The following RB1CC1 variants were observed in gnomAD, a reference collection of about 807,000 sequenced individuals.
RB1CC1 encodes RB1 inducible coiled-coil 1.
In RB1CC1, 46 loss-of-function variants were observed where a neutral mutation model predicts 177.5. The ratio of observed to expected loss-of-function variants is 0.26; its 90% CI spans 0.20 to 0.33. RB1CC1 has a LOEUF of 0.33. Ranked by LOEUF, RB1CC1 falls within the 10% of genes least tolerant of loss-of-function variation. The pLI, the probability that RB1CC1 is intolerant of heterozygous loss-of-function variation, is 1.00. For missense variants in RB1CC1, 1,703 were observed against 1,816.3 expected, an observed-to-expected ratio of 0.94 and a Z score of 1.13; for synonymous variants, 666 against 613.6, an observed-to-expected ratio of 1.09 and a Z score of -1.26.
chr8:52,700,361 A>G (rs1339770346), intron 1 of RB1CC1, among the ~76,000 whole-genome samples: 1 of 151,186 alleles, frequency 6.6e-6, no homozygotes. Flanking sequence ...CCATATCTAC[A>G]AATATACAAA....
At chr8:52,644,210 C>A (rs1849809301) in intron 16 of RB1CC1, among the ~76,000 whole-genome samples, 1 of 152,028 alleles carries the variant, frequency 6.6e-6, no homozygotes, top group Non-Finnish European at 1.5e-5. Flanking sequence ...TCAGAAATCA[C>A]CTATACAGAG....
intron 21 of RB1CC1, among the ~76,000 whole-genome samples, chr8:52,629,721 C>T (rs376747675): frequency 6.6e-6 from 1 of 152,202 alleles, no homozygotes; most frequent in Non-Finnish European, 1.5e-5. Flanking sequence ...CTTTGGTCTC[C>T]ACAACCTCTT....
chr8:52,668,529 CT>C, intron 7 of RB1CC1, among the ~76,000 whole-genome samples: 1 of 152,334 alleles, frequency 6.6e-6, no homozygotes, highest in Admixed American at 6.5e-5. Flanking sequence ...AATGCAACTT[CT>C]CTTTAAAACA....
intron 3 of RB1CC1, 87 bp downstream of exon 3, chr8:52,685,312 C>A (rs1854174139): frequency 9.6e-7 from 1 of 1,040,842 alleles, no homozygotes; most frequent in Non-Finnish European, 1.4e-6. Flanking sequence ...CCGCCATTAT[C>A]CTACTTTTTA....
intron 5 of RB1CC1, among the ~76,000 whole-genome samples, chr8:52,681,661 T>C (rs1273624001): frequency 6.6e-6 from 1 of 152,204 alleles, no homozygotes; most frequent in Admixed American, 6.5e-5. Flanking sequence ...CCAGGTATGC[T>C]GATTCACGCC....
In RB1CC1 at chr8:52,624,792, T is replaced by A. The variant is rs34169001; in HGVS notation, c.4637-5A>T. The A allele has an allele frequency of 1.1e-5, 17 of 1,503,386 alleles. No homozygotes were observed. Among genetic ancestry groups the A allele is most frequent in the Non-Finnish European group, 1.4e-5 (16 of 1,112,086 alleles). The allele number at this position is 1,503,386 out of a possible 1,614,324, so 93.1% of individuals were successfully genotyped here. A position where few individuals can be genotyped will look rare whatever the true frequency, so the allele number is the denominator to read the frequency against. ...GTCTTCTAGATGCACCTGAAGCTAA[T>A]GAAATTAAATAGTTAATCTCTTTTT... On this transcript the variant is annotated splice_polypyrimidine_tract_variant and splice_region_variant and intron_variant, in intron 22 of 23. Coordinates refer to ENST00000025008, the MANE Select transcript of RB1CC1 (RefSeq NM_014781.5).
intron 13 of RB1CC1, 58 bp downstream of exon 13, chr8:52,658,815 C>T: frequency 7.8e-7 from 1 of 1,276,380 alleles, no homozygotes; most frequent in Non-Finnish European, 1.1e-6. Flanking sequence ...GGCACAACTC[C>T]AGAATAATAA....
rs1476824916 is a variant in RB1CC1 at position 52,623,662 on chromosome 8, A to C, written c.*120T>G. 2.8e-6 allele frequency: 2 copies of C among 716,728 alleles called. No homozygotes were observed. Among genetic ancestry groups the C allele is most frequent in the East Asian group, 5.4e-5 (2 of 36,954 alleles). 44.4% of individuals were successfully genotyped at this position (716,728 alleles called of 1,614,324 possible). A position where few individuals can be genotyped will look rare whatever the true frequency, so the allele number is the denominator to read the frequency against. ...AAAAGTAAACGATGTACACCAGTGAAGTATATTGTCACGCTGACTTTTGCA... is the reference window on the plus strand; with the variant it reads ...AAAAGTAAACGATGTACACCAGTGACGTATATTGTCACGCTGACTTTTGCA... On this transcript the variant is annotated 3_prime_UTR_variant, in exon 24 of 24. Coordinates refer to ENST00000025008, the MANE Select transcript of RB1CC1 (RefSeq NM_014781.5).
intron 22 of RB1CC1, among the ~76,000 whole-genome samples, 154 bp from the exon 23 acceptor site, chr8:52,624,941 C>A (rs530728498): frequency 6.6e-6 from 1 of 152,202 alleles, no homozygotes; most frequent in Non-Finnish European, 1.5e-5. Context: ...AAATGCTTAA[C>A]AATTTACAAA....
At chr8:52,625,258 C>A (rs532213030) in intron 22 of RB1CC1, among the ~76,000 whole-genome samples, 144 of 152,282 alleles carry the variant, frequency 9.5e-4, no homozygotes, top group Non-Finnish European at 1.6e-3. Flanking sequence ...ACAGTTCTCA[C>A]ATCTGTATGC....
At chr8:52,645,483 A>G (rs917322209) in intron 16 of RB1CC1, among the ~76,000 whole-genome samples, 8 of 152,170 alleles carry the variant, frequency 5.3e-5, no homozygotes, top group African/African-American at 1.9e-4. Flanking sequence ...GTCATGTGAC[A>G]TGTTAACATG....
At chr8:52,693,780 G>T (rs535511657) in intron 1 of RB1CC1, among the ~76,000 whole-genome samples, 1 of 152,118 alleles carries the variant, frequency 6.6e-6, no homozygotes, top group East Asian at 1.9e-4. Context: ...GCCTGTCAGA[G>T]GGTGAAGGGT....
rs1848160304 is a variant in RB1CC1, at chr8:52,623,118, C to T, written c.*664G>A. The stretch of plus-strand genomic sequence containing the variant: ...TAGCACAGACTCTTCCCTTTAGAAC[C>T]CAGATGACCAATCCACTGAAAGTGC... On this transcript the variant is annotated 3_prime_UTR_variant, in exon 24 of 24. Transcript: ENST00000025008. The T allele has an allele frequency of 6.5e-6, 1 of 153,418 alleles. No individual in the cohort carries two copies. The highest frequency in any genetic ancestry group is 2.0e-4 in the South Asian group (1 of 4,914). The allele number at this position is 153,418 out of a possible 1,614,324, so 9.5% of individuals were successfully genotyped here.
chr8:52,660,844 A>AT (rs1272678735), intron 11 of RB1CC1, 82 bp downstream of exon 11: 14 of 1,238,822 alleles, frequency 1.1e-5, no homozygotes, highest in Admixed American at 2.2e-5. Flanking sequence ...CAGCATATAC[A>AT]TGAAGTATGC....
chr8:52,713,193 T>C (rs185028362), intron 1 of RB1CC1, among the ~76,000 whole-genome samples: 1 of 152,374 alleles, frequency 6.6e-6, no homozygotes, highest in Admixed American at 6.5e-5. Context: ...TCTGGCTGAA[T>C]GTCTCGTAGT....
chr8:52,705,259 CA>C (rs1856447363), intron 1 of RB1CC1, among the ~76,000 whole-genome samples: 1 of 152,094 alleles, frequency 6.6e-6, no homozygotes, highest in South Asian at 2.1e-4. Context: ...TGTATCTATA[CA>C]ATAATGGTGG....
intron 1 of RB1CC1, among the ~76,000 whole-genome samples, chr8:52,695,237 T>C (rs991085558): frequency 1.3e-5 from 2 of 152,214 alleles, no homozygotes; most frequent in Non-Finnish European, 2.9e-5. Context: ...TTAGAAATAC[T>C]AGTATAAACA....
rs1852857059 is a variant in RB1CC1 at position 52,674,121 on chromosome 8, G to C, written c.726C>G (p.Leu242=). The part of the protein sequence containing the change: ...AEMKRSTELV[L]SPDMPRTTNE... Reference sequence around the variant, plus strand: ...TAGTTGTTCTAGGCATATCAGGAGAGAGCACCAGTTCAGTGGATCTTTTCA... The same window carrying C: ...TAGTTGTTCTAGGCATATCAGGAGACAGCACCAGTTCAGTGGATCTTTTCA... Residue 242 remains leucine, a synonymous_variant, in exon 7 of 24, where the codon CTC becomes CTG. Transcript: ENST00000025008. 9 of 1,614,130 alleles carry C rather than the reference G, an allele frequency of 5.6e-6. No homozygotes were observed. The East Asian group carries it at 1.6e-4, about 28-fold the overall frequency.
chr8:52,625,316 T>A (rs1848307322), intron 22 of RB1CC1, among the ~76,000 whole-genome samples: 1 of 152,052 alleles, frequency 6.6e-6, no homozygotes, highest in African/African-American at 2.4e-5. Context: ...CTCAATAAAT[T>A]AATAAGGGCT....
Sources: allele counts gnomAD v4.1 joint callset (sites outside exome capture counted in the v4.1 genomes callset), GRCh38; gene constraint gnomAD v4.1.1; transcripts MANE v1.5; gene names NCBI Gene and HGNC (gene_info 2026-07-23, HGNC 2026-07-21).